Variants in FRY observed in about 807,000 individuals in gnomAD.
FRY encodes protein furry homolog.
Under a neutral mutation model 348.4 loss-of-function variants are expected in FRY, and 128 were observed. That is an observed-to-expected ratio of 0.37 (90% CI 0.32 to 0.43). The LOEUF (loss-of-function observed/expected upper bound fraction) is 0.43. FRY is among the 20% of genes least tolerant of loss of function. The probability of loss-of-function intolerance (pLI) is 1.00; values close to 1 mark genes in which losing one functional copy is unlikely to be tolerated. For synonymous variants in FRY, 1,370 were observed against 1,374.7 expected, an observed-to-expected ratio of 1.00 and a Z score of 0.08; for missense variants, 2,736 against 3,695.2, an observed-to-expected ratio of 0.74 and a Z score of 6.73.
At chr13:32,076,814 A>G (rs902057264) in intron 1 of FRY, among the ~76,000 whole-genome samples, 4 of 152,062 alleles carry the variant, frequency 2.6e-5, no homozygotes, top group Admixed American at 2.0e-4. Flanking sequence ...TATAGCTAGA[A>G]GAGTATATGG....
In FRY at chr13:32,239,129, T is replaced by C. The variant is rs2138462296; in HGVS notation, c.6419-123T>C. 2 of 731,088 alleles carry C rather than the reference T, an allele frequency of 2.7e-6. No homozygotes were observed. Among genetic ancestry groups the C allele is most frequent in the South Asian group, 2.8e-5 (2 of 70,516 alleles). 45.3% of individuals were successfully genotyped at this position (731,088 alleles called of 1,614,324 possible). On this transcript the variant is annotated intron_variant, in intron 44 of 60. Transcript: ENST00000542859. This position sits in a 1 kb window ranked among gnomAD's most constrained non-coding sequence, Gnocchi z 4.3. ...CATAGATTTTGTGTTAGATCATGTTTAAGCTGATTCAAAAAACTGCTTTTG... is the reference window on the plus strand; with the variant it reads ...CATAGATTTTGTGTTAGATCATGTTCAAGCTGATTCAAAAAACTGCTTTTG...
intron 2 of FRY, among the ~76,000 whole-genome samples, chr13:32,084,384 C>T (rs1361868579): frequency 6.6e-6 from 1 of 152,178 alleles, no homozygotes; most frequent in Admixed American, 6.5e-5. Context: ...ACTCCCACCA[C>T]ATACCTTTAT....
At chr13:32,211,361 C>T (rs1339280514) in intron 34 of FRY, among the ~76,000 whole-genome samples, 1 of 152,150 alleles carries the variant, frequency 6.6e-6, no homozygotes, top group Non-Finnish European at 1.5e-5. Context: ...CAGGAGGCTG[C>T]AGGAGGAGAA....
rs117489296 is a variant in FRY at position 32,131,107 on chromosome 13, C to T, written c.717-565C>T. ...CTGGGATTACAGGCGAGCGCCACTG[C>T]GCCCGGCCTCCCATTACTAGATTTT... On this transcript the variant is annotated intron_variant, in intron 7 of 60. Transcript: ENST00000542859. Among the ~76,000 whole-genome samples, 1,381 of 152,312 alleles carry T rather than the reference C, an allele frequency of 9.1e-3. 11 individuals are homozygous for T. Among genetic ancestry groups the T allele is most frequent in the Non-Finnish European group, 0.013 (891 of 68,022 alleles).
At chr13:32,090,982 A>G (rs547582738) in intron 2 of FRY, among the ~76,000 whole-genome samples, 1 of 152,230 alleles carries the variant, frequency 6.6e-6, no homozygotes, top group South Asian at 2.1e-4. Context: ...CAGTTTTCAT[A>G]GCATAGGGTA....
intron 19 of FRY, among the ~76,000 whole-genome samples, chr13:32,174,526 G>A (rs1047073801): frequency 6.6e-6 from 1 of 152,152 alleles, no homozygotes; most frequent in Non-Finnish European, 1.5e-5. Flanking sequence ...GGATTGGTTT[G>A]GTTATTATCC....
At chr13:32,120,638 TC>T (rs1878593378) in intron 4 of FRY, among the ~76,000 whole-genome samples, 1 of 152,044 alleles carries the variant, frequency 6.6e-6, no homozygotes, top group South Asian at 2.1e-4. Context: ...TCCCCCCAAG[TC>T]CCCGAAGTCC....
chr13:32,245,213 C>T (rs926507418), intron 47 of FRY, among the ~76,000 whole-genome samples: 1 of 152,016 alleles, frequency 6.6e-6, no homozygotes, highest in Non-Finnish European at 1.5e-5. Context: ...TCCCAAAGTG[C>T]TGGGATTACA....
intron 40 of FRY, 34 bp downstream of exon 40, chr13:32,228,688 A>C: frequency 1.3e-6 from 2 of 1,598,156 alleles, no homozygotes; most frequent in Non-Finnish European, 8.6e-7. Flanking sequence ...TGCTGTTTGC[A>C]GGTTGGTCTT....
intron 2 of FRY, among the ~76,000 whole-genome samples, chr13:32,096,197 T>C (rs527683508): frequency 4.6e-5 from 7 of 152,316 alleles, no homozygotes; most frequent in Admixed American, 2.6e-4. Context: ...ATAAAATCTA[T>C]GTTGATGCAA....
intron 23 of FRY, among the ~76,000 whole-genome samples, chr13:32,182,610 T>G (rs562629093): frequency 6.6e-6 from 1 of 152,352 alleles, no homozygotes; most frequent in South Asian, 2.1e-4. Flanking sequence ...GTAAAGTGCT[T>G]GAATTTAGCA....
intron 58 of FRY, among the ~76,000 whole-genome samples, chr13:32,281,535 A>G (rs1346438950): frequency 6.6e-6 from 1 of 152,234 alleles, no homozygotes; most frequent in Admixed American, 6.5e-5. Context: ...ATGGAAGGGC[A>G]AATTCTGAGT....
chr13:32,228,390 C>T (rs1309846385), intron 39 of FRY, 66 bp from the exon 40 acceptor site: 1 of 1,171,928 alleles, frequency 8.5e-7, no homozygotes, highest in South Asian at 1.2e-5. Context: ...CCTCTGTGGA[C>T]CTCATTAAGC....
In FRY at chr13:32,236,067, A is replaced by G. The variant is rs1204452690; in HGVS notation, c.5716-11A>G. On this transcript the variant is annotated splice_polypyrimidine_tract_variant and intron_variant, in intron 42 of 60. Coordinates refer to ENST00000542859, the MANE Select transcript of FRY (RefSeq NM_023037.3). ...AAGCAATACAAAATGCTATCTTTGC[A>G]TGTTTGGCAGGGTTATGTAATGGAA... 36 of 1,587,216 alleles carry G rather than the reference A, an allele frequency of 2.3e-5. No individual in the cohort carries two copies. The highest frequency in any genetic ancestry group is 3.0e-5 in the Non-Finnish European group (35 of 1,155,628).
At position 32,228,565 on chromosome 13, in the gene FRY, C is replaced by T. The variant is rs1174281108; in HGVS notation, c.5316C>T (p.Leu1772=). ...SISLGGSSGN[L]PQMTQEVEDV... ...GTCTGGGAGGCAGCAGTGGAAACCT[C>T]CCACAGATGACCCAGGAGGTAGAAG... Residue 1772 remains leucine, a synonymous_variant, in exon 40 of 61, where the codon CTC becomes CTT. Coordinates refer to ENST00000542859, the MANE Select transcript of FRY (RefSeq NM_023037.3). 3.7e-6 allele frequency: 6 copies of T among 1,613,914 alleles called. No homozygotes were observed. The African/African-American group carries it at 6.7e-5, about 18-fold the overall frequency.
intron 2 of FRY, among the ~76,000 whole-genome samples, chr13:32,089,405 T>C (rs1157305790): frequency 6.6e-6 from 1 of 152,162 alleles, no homozygotes; most frequent in Non-Finnish European, 1.5e-5. Context: ...TCCTGTAGGC[T>C]TTCCCAAGAT....
chr13:32,209,784 T>G, intron 33 of FRY, 53 bp downstream of exon 33: 1 of 1,560,652 alleles, frequency 6.4e-7, no homozygotes. Flanking sequence ...GACTCCCATG[T>G]GCAATTTGCA....
chr13:32,266,671 T>G (rs1887942261), intron 54 of FRY, among the ~76,000 whole-genome samples: 1 of 152,114 alleles, frequency 6.6e-6, no homozygotes, highest in African/African-American at 2.4e-5. Context: ...AAATTCTCTT[T>G]CCTCGAATCG....
intron 1 of FRY, among the ~76,000 whole-genome samples, chr13:32,059,552 T>TC (rs989536602): frequency 2.0e-5 from 3 of 151,680 alleles, no homozygotes; most frequent in South Asian, 2.1e-4. Flanking sequence ...CATCTTTTTT[T>TC]TGTTATAGAT....
Sources: gnomAD v4.1 joint callset for allele counts (sites outside exome capture counted in the v4.1 genomes callset) on GRCh38, gnomAD v4.1.1 for gene constraint, Gnocchi (gnomAD v3.1) non-coding constraint, MANE v1.5 for transcripts, NCBI Gene and HGNC (gene_info 2026-07-23, HGNC 2026-07-21) for gene names.